IGHMBP2: variants seen among roughly 807,000 people sequenced by gnomAD.
IGHMBP2 encodes the protein immunoglobulin mu DNA binding protein 2, also known as DNA-binding protein SMUBP-2.
In IGHMBP2, 81 loss-of-function variants were observed where a neutral mutation model predicts 96.0. The ratio of observed to expected loss-of-function variants is 0.84; its 90% CI spans 0.71 to 1.01. The LOEUF is 1.01. Among genes scored for constraint, IGHMBP2 ranks in the 50% least tolerant of loss-of-function variants. The pLI is 0.00. For synonymous variants in IGHMBP2, 557 were observed against 548.9 expected, an observed-to-expected ratio of 1.01 and a Z score of -0.21; for missense variants, 1,227 against 1,306.3, an observed-to-expected ratio of 0.94 and a Z score of 0.94.
chr11:68,933,637 G>A lies in IGHMBP2; in HGVS notation c.1418+156G>A. 3.7e-6 allele frequency: 4 copies of A among 1,068,276 alleles called. No individual in the cohort carries two copies. In the South Asian group the frequency reaches 4.1e-5, roughly 11 times the overall value. The allele number at this position is 1,068,276 out of a possible 1,614,324, so 66.2% of individuals were successfully genotyped here. Reference sequence around the variant, plus strand: ...AGAGAGGGTGGCCTTGCCCTGGAGAGCTGGGTCAGGCCCGCTCCCTCCCTT... The same window carrying A: ...AGAGAGGGTGGCCTTGCCCTGGAGAACTGGGTCAGGCCCGCTCCCTCCCTT... On this transcript the variant is annotated intron_variant, in intron 9 of 14. Transcript: ENST00000255078.
At chr11:68,909,041 A>G (rs1422128972) in intron 4 of IGHMBP2, among the ~76,000 whole-genome samples, 3 of 151,484 alleles carry the variant, frequency 2.0e-5, no homozygotes, top group Non-Finnish European at 2.9e-5. Flanking sequence ...AGGTTTCACC[A>G]TATTGACCAG....
intron 8 of IGHMBP2, chr11:68,929,982 C>A: frequency 9.6e-7 from 1 of 1,036,710 alleles, no homozygotes; most frequent in Non-Finnish European, 1.2e-6. Context: ...CCCAGCCCCC[C>A]TCTCACCTCT....
At chr11:68,935,169 G>A in intron 11 of IGHMBP2, 130 bp from the exon 12 acceptor site, 2 of 1,219,596 alleles carry the variant, frequency 1.6e-6, no homozygotes, top group Non-Finnish European at 2.3e-6. Flanking sequence ...TTCCCCATGG[G>A]GCTCCTGCAG....
intron 10 of IGHMBP2, 97 bp downstream of exon 10, chr11:68,934,010 T>C: frequency 2.3e-6 from 2 of 878,504 alleles, no homozygotes; most frequent in Non-Finnish European, 3.7e-6. Context: ...CGGGAGGAGC[T>C]GAGAGCAGTT....
At chr11:68,916,842 T>A (rs1267783178) in intron 6 of IGHMBP2, among the ~76,000 whole-genome samples, 1 of 152,132 alleles carries the variant, frequency 6.6e-6, no homozygotes, top group Non-Finnish European at 1.5e-5. Flanking sequence ...TGTGGGTGAT[T>A]TCATTTCCTG....
intron 8 of IGHMBP2, chr11:68,930,068 G>A (rs774239038): frequency 1.7e-6 from 2 of 1,164,900 alleles, no homozygotes; most frequent in South Asian, 3.5e-5. Context: ...CTCCTGCCTG[G>A]GTGTGGCGGG....
chr11:68,933,170 A>G, intron 8 of IGHMBP2, 129 bp from the exon 9 acceptor site: 7 of 939,178 alleles, frequency 7.5e-6, no homozygotes, highest in Non-Finnish European at 9.9e-6. Context: ...CCCCTTGGTT[A>G]CTTCTGGGTC....
chr11:68,909,544 A>T (rs576496086), intron 4 of IGHMBP2, among the ~76,000 whole-genome samples: 19 of 151,948 alleles, frequency 1.3e-4, no homozygotes, highest in African/African-American at 4.1e-4. Flanking sequence ...AAATGTAATG[A>T]TATTTCTTTT....
rs183502178 is a variant in IGHMBP2, at chr11:68,915,866, G to A, written c.912+843G>A. Among the ~76,000 whole-genome samples the A allele has an allele frequency of 5.3e-5, 8 of 152,174 alleles. No individual in the cohort carries two copies. The East Asian group carries it at 1.6e-3, about 30-fold the overall frequency. On this transcript the variant is annotated intron_variant, in intron 6 of 14. Transcript: ENST00000255078. Reference sequence around the variant, plus strand: ...TTCAGAGCACTTGGTTAGTAGGTGTGAGGAATTGTAAAGAAAACATTTTCC... The same window carrying A: ...TTCAGAGCACTTGGTTAGTAGGTGTAAGGAATTGTAAAGAAAACATTTTCC...
chr11:68,916,815 T>C (rs7123974), intron 6 of IGHMBP2, among the ~76,000 whole-genome samples: 40,005 of 151,948 alleles, frequency 0.26, 5,784 homozygotes, highest in Admixed American at 0.42. Context: ...ATATGCATGA[T>C]GTTTGCTCAT....
At chr11:68,920,373 C>T (rs1858834832) in intron 7 of IGHMBP2, among the ~76,000 whole-genome samples, 1 of 152,236 alleles carries the variant, frequency 6.6e-6, no homozygotes, top group Non-Finnish European at 1.5e-5. Context: ...CTGGGATTAA[C>T]AGGCGTGAGC....
Position 68,939,948 on chromosome 11 carries a change from G to A in IGHMBP2, c.*217G>A, listed in dbSNP as rs183471251. The A allele has an allele frequency of 7.3e-5, 43 of 590,836 alleles. No homozygotes were observed. In the East Asian group the frequency reaches 1.1e-3, roughly 16 times the overall value. The allele number at this position is 590,836 out of a possible 1,614,324, so 36.6% of individuals were successfully genotyped here. A position where few individuals can be genotyped will look rare whatever the true frequency, so the allele number is the denominator to read the frequency against. ...AAGCACCTGGGGGACAACAGTGCTC[G>A]TGCAGGTGGGGCTTGGGAAATGCAC... On this transcript the variant is annotated 3_prime_UTR_variant, in exon 15 of 15. Coordinates refer to ENST00000255078, the MANE Select transcript of IGHMBP2 (RefSeq NM_002180.3).
At chr11:68,913,043 C>CAA (rs71043469) in intron 5 of IGHMBP2, among the ~76,000 whole-genome samples, 1,338 of 36,448 alleles carry the variant, frequency 0.037, 13 homozygotes, top group Non-Finnish European at 0.044. Context: ...ACTCCATCTC[C>CAA]AAAAAAAAAA....
chr11:68,908,393 C>T (rs1858288439), intron 3 of IGHMBP2, 56 bp downstream of exon 3: 19 of 1,536,574 alleles, frequency 1.2e-5, no homozygotes, highest in Non-Finnish European at 1.6e-5. Context: ...ACAGCTAATC[C>T]ATTCTTACAT....
chr11:68,906,352 G>T, intron 2 of IGHMBP2, 114 bp downstream of exon 2: 1 of 1,149,868 alleles, frequency 8.7e-7, no homozygotes, highest in Non-Finnish European at 1.3e-6. Context: ...GCGTTGCAAT[G>T]AAGAACTCTT....
intron 4 of IGHMBP2, among the ~76,000 whole-genome samples, chr11:68,909,012 T>G (rs1242432068): frequency 2.0e-5 from 3 of 151,266 alleles, no homozygotes. Flanking sequence ...GGCTAATTTC[T>G]GTACTTTTAG....
chr11:68,914,693 G>T, intron 5 of IGHMBP2, 130 bp from the exon 6 acceptor site: 1 of 972,722 alleles, frequency 1.0e-6, no homozygotes, highest in Non-Finnish European at 1.7e-6. Flanking sequence ...ATGAATGCAA[G>T]ATTTGATTGA....
rs141836800 is a variant in IGHMBP2, at chr11:68,914,892, C to G, written c.781C>G (p.Arg261Gly). Reference protein sequence around the residue: ...LVERLALCKQRILRLGHPARL... With the variant: ...LVERLALCKQGILRLGHPARL... Reference sequence around the variant, plus strand: ...GGAGCGCCTGGCTCTGTGTAAGCAGCGGATTCTGCGCCTGGGACACCCTGC... The same window carrying G: ...GGAGCGCCTGGCTCTGTGTAAGCAGGGGATTCTGCGCCTGGGACACCCTGC... Residue 261 changes from arginine (R) to glycine (G), a missense_variant, in exon 6 of 15, where the codon CGG (arginine) becomes GGG (glycine). Transcript: ENST00000255078. 1 of 1,614,120 alleles carries G rather than the reference C, an allele frequency of 6.2e-7. No individual in the cohort carries two copies. The highest frequency in any genetic ancestry group is 1.7e-5 in the Admixed American group (1 of 60,016).
intron 5 of IGHMBP2, among the ~76,000 whole-genome samples, chr11:68,913,649 C>T (rs148273110): frequency 1.6e-3 from 235 of 150,124 alleles, no homozygotes; most frequent in African/African-American, 5.5e-3. Context: ...CTGGGTGCAG[C>T]GGCTCATGTC....
Sources: gnomAD v4.1 joint callset for allele counts (sites outside exome capture counted in the v4.1 genomes callset) on GRCh38, gnomAD v4.1.1 for gene constraint, MANE v1.5 for transcripts, NCBI Gene and HGNC (gene_info 2026-07-23, HGNC 2026-07-21) for gene names.